The following PDE4B variants were observed in gnomAD, a reference collection of about 807,000 sequenced individuals.
PDE4B encodes the protein 3',5'-cyclic-AMP phosphodiesterase 4B.
PDE4B carries 20 observed loss-of-function variants against 82.2 expected under a neutral mutation model. That is an observed-to-expected ratio of 0.24 (90% confidence interval 0.17 to 0.35). The LOEUF is 0.35. Among genes scored for constraint, PDE4B ranks in the 10% least tolerant of loss-of-function variants. PDE4B has a pLI of 1.00. For synonymous variants in PDE4B, 320 were observed against 318.9 expected (o/e 1.00, Z -0.04); for missense variants, 655 against 907.2 (o/e 0.72, Z 3.57).
At chr1:66,188,430 T>A (rs1016957902) in intron 3 of PDE4B, among the ~76,000 whole-genome samples, 1 of 152,138 alleles carries the variant, frequency 6.6e-6, no homozygotes, top group Middle Eastern at 3.4e-3. Context: ...ATGTTGACAG[T>A]GGGGTGTTAA....
chr1:65,956,640 C>T (rs1449246097), intron 3 of PDE4B, among the ~76,000 whole-genome samples: 1 of 152,084 alleles, frequency 6.6e-6, no homozygotes, highest in South Asian at 2.1e-4. Context: ...TCGCGAAATA[C>T]GTGAATAGTA....
chr1:66,123,948 G>A (rs17421977), intron 3 of PDE4B, among the ~76,000 whole-genome samples: 9,536 of 152,214 alleles, frequency 0.063, 441 homozygotes, highest in South Asian at 0.19. Context: ...TTCAGCTCAT[G>A]AAAGTTTTTA....
chr1:66,029,274 G>T (rs903179696), intron 3 of PDE4B, among the ~76,000 whole-genome samples: 3 of 152,074 alleles, frequency 2.0e-5, no homozygotes, highest in African/African-American at 4.8e-5. Flanking sequence ...GGGTAGCATG[G>T]GTAAGACCGG....
intron 3 of PDE4B, among the ~76,000 whole-genome samples, chr1:66,166,792 A>G (rs2993094): frequency 0.28 from 42,010 of 151,940 alleles, 6,862 homozygotes; most frequent in Middle Eastern, 0.43. Context: ...ATATTTGTTA[A>G]TCATGTATCT....
intron 1 of PDE4B, among the ~76,000 whole-genome samples, chr1:65,892,454 C>T (rs1209865716): frequency 6.6e-6 from 1 of 152,036 alleles, no homozygotes; most frequent in Non-Finnish European, 1.5e-5. Context: ...GCCTCAAAAC[C>T]TATTTATGCC....
intron 3 of PDE4B, among the ~76,000 whole-genome samples, chr1:66,097,802 C>T (rs1053115952): frequency 2.7e-5 from 4 of 148,994 alleles, no homozygotes; most frequent in Non-Finnish European, 4.5e-5. Flanking sequence ...TTATTGTCCT[C>T]GTTTTTCTAT....
intron 3 of PDE4B, among the ~76,000 whole-genome samples, chr1:65,932,195 G>T (rs1647873690): frequency 1.3e-5 from 2 of 151,500 alleles, no homozygotes; most frequent in Admixed American, 6.6e-5. Flanking sequence ...GATCTAGCAT[G>T]CAACTAGATG....
intron 7 of PDE4B, among the ~76,000 whole-genome samples, chr1:66,284,111 A>T (rs909014929): frequency 6.6e-6 from 1 of 152,138 alleles, no homozygotes; most frequent in Non-Finnish European, 1.5e-5. Flanking sequence ...TGTAATAAGA[A>T]TTTTTCAGAA....
chr1:65,965,416 CT>C (rs1187223703), intron 3 of PDE4B, among the ~76,000 whole-genome samples: 2 of 152,054 alleles, frequency 1.3e-5, no homozygotes, highest in Non-Finnish European at 2.9e-5. Context: ...AGATAGCATC[CT>C]CAGAATAAAA....
At chr1:66,190,775 C>T (rs530322613) in intron 3 of PDE4B, among the ~76,000 whole-genome samples, 19 of 152,232 alleles carry the variant, frequency 1.2e-4, no homozygotes, top group African/African-American at 2.6e-4. Context: ...TCCCTGACTC[C>T]GTGGGCTTCC....
chr1:66,139,877 T>A (rs994680055), intron 3 of PDE4B, among the ~76,000 whole-genome samples: 2 of 152,164 alleles, frequency 1.3e-5, no homozygotes, highest in Non-Finnish European at 2.9e-5. Context: ...ATATTTTTCA[T>A]CAGGCATCCC....
intron 1 of PDE4B, among the ~76,000 whole-genome samples, chr1:65,806,982 T>C (rs1450129788): frequency 6.6e-6 from 1 of 152,234 alleles, no homozygotes; most frequent in Non-Finnish European, 1.5e-5. Context: ...ACATATTACA[T>C]ATTGTTCTGT....
chr1:66,170,161 C>T (rs779367992), intron 3 of PDE4B, among the ~76,000 whole-genome samples: 41 of 152,080 alleles, frequency 2.7e-4, no homozygotes, highest in Non-Finnish European at 4.9e-4. Context: ...CACATTAGTT[C>T]CTCAACAACA....
intron 1 of PDE4B, among the ~76,000 whole-genome samples, chr1:65,903,436 C>T (rs1274293779): frequency 6.6e-6 from 1 of 151,894 alleles, no homozygotes; most frequent in Admixed American, 6.6e-5. Context: ...CACACACACA[C>T]ACACACACTA....
rs545101477 is a variant in PDE4B at position 66,366,875 on chromosome 1, G to C, written c.1385-821G>C. The stretch of plus-strand genomic sequence containing the variant: ...TACTCATTGGAGGTTGTAACTAAGA[G>C]CACACTGTTAAAGCAATGATATATG... On this transcript the variant is annotated intron_variant, in intron 13 of 16. Transcript: ENST00000341517. Among the ~76,000 whole-genome samples, 14 of 152,262 alleles carry C rather than the reference G, an allele frequency of 9.2e-5. No homozygotes were observed. In the East Asian group the frequency reaches 2.7e-3, roughly 29 times the overall value.
intron 7 of PDE4B, among the ~76,000 whole-genome samples, chr1:66,271,483 A>G (rs563717124): frequency 6.6e-6 from 1 of 152,222 alleles, no homozygotes; most frequent in Non-Finnish European, 1.5e-5. Context: ...TGGCCCTCCC[A>G]GAGGCAAATC....
intron 3 of PDE4B, among the ~76,000 whole-genome samples, chr1:66,050,361 T>A (rs906104946): frequency 6.6e-6 from 1 of 152,060 alleles, no homozygotes; most frequent in Non-Finnish European, 1.5e-5. Context: ...GAAATAGAAT[T>A]TGGGACATTT....
At chr1:65,995,566 G>T (rs984223481) in intron 3 of PDE4B, among the ~76,000 whole-genome samples, 3 of 152,058 alleles carry the variant, frequency 2.0e-5, no homozygotes, top group East Asian at 1.9e-4. Flanking sequence ...TCTAAGACTC[G>T]TGAGAATAAT....
In PDE4B at chr1:66,215,039, G is replaced by A. The variant is rs200701612; in HGVS notation, c.282-32421G>A. Among the ~76,000 whole-genome samples, 1,940 of 152,244 alleles carry A rather than the reference G, an allele frequency of 0.013. 90 individuals are homozygous for A. The East Asian group carries it at 0.15, about 11-fold the overall frequency. ...AAAGTCTAGACTCTAGAAATAGGCA[G>A]TAGAAACTTGCTATGACAGGTGAGG... On this transcript the variant is annotated intron_variant, in intron 3 of 16. Transcript: ENST00000341517.
Sources: allele counts gnomAD v4.1 joint callset (sites outside exome capture counted in the v4.1 genomes callset), GRCh38; gene constraint gnomAD v4.1.1; transcripts MANE v1.5; gene names NCBI Gene and HGNC (gene_info 2026-07-23, HGNC 2026-07-21).